The following ADAMTS2 variants were observed in gnomAD, a reference collection of about 807,000 sequenced individuals.
ADAMTS2 encodes the protein A disintegrin and metalloproteinase with thrombospondin motifs 2.
Under a neutral mutation model 123.0 loss-of-function variants are expected in ADAMTS2, and 50 were observed. The observed-to-expected ratio is 0.41, with a 90% CI of 0.32 to 0.51. The LOEUF (loss-of-function observed/expected upper bound fraction) is 0.51. Ranked by LOEUF, ADAMTS2 falls within the 20% of genes least tolerant of loss-of-function variation. The pLI is 0.35. For missense variants in ADAMTS2, 1,494 were observed against 1,705.2 expected (o/e 0.88, Z 2.18); for synonymous variants, 678 against 695.4 (o/e 0.98, Z 0.39).
Position 179,308,081 on chromosome 5 carries a change from T to G in ADAMTS2, c.535-35017A>C, listed in dbSNP as rs542677295. On this transcript the variant is annotated intron_variant, in intron 2 of 21. Transcript: ENST00000251582. This position sits in a 1 kb window ranked among gnomAD's most constrained non-coding sequence, Gnocchi z 6.6. ...TCCCCTACTTCAGGATGGTGTAAGG[T>G]TTCCTTGCCAAGGTCCCTGTGGTGC... is the stretch of plus-strand genomic sequence containing the variant. Among the ~76,000 whole-genome samples, 1 of 152,192 alleles carries G rather than the reference T, an allele frequency of 6.6e-6. No homozygotes were observed. The highest frequency in any genetic ancestry group is 2.1e-4 in the South Asian group (1 of 4,824).
intron 2 of ADAMTS2, among the ~76,000 whole-genome samples, chr5:179,293,798 A>AT (rs1230305678): frequency 7.0e-6 from 1 of 141,914 alleles, no homozygotes; most frequent in African/African-American, 2.6e-5. Context: ...TTTTTTTTGT[A>AT]TTTTTTTAGT....
chr5:179,217,147 G>A (rs1765001576), intron 3 of ADAMTS2, among the ~76,000 whole-genome samples: 1 of 152,250 alleles, frequency 6.6e-6, no homozygotes, highest in African/African-American at 2.4e-5. Context: ...CAGTGGGTGA[G>A]AGGAGAAGCA....
chr5:179,322,867 A>T (rs1219538135), intron 2 of ADAMTS2, among the ~76,000 whole-genome samples: 4 of 152,216 alleles, frequency 2.6e-5, no homozygotes, highest in African/African-American at 9.6e-5. Context: ...CCCTAACTGC[A>T]GGTGTCCCTA....
intron 2 of ADAMTS2, among the ~76,000 whole-genome samples, chr5:179,335,898 C>A (rs1370259706): frequency 6.6e-6 from 1 of 152,260 alleles, no homozygotes. Context: ...CCTCCCAGCA[C>A]CTCACCTGTT....
chr5:179,225,264 G>A lies in ADAMTS2; in HGVS notation c.689-17549C>T, dbSNP rs149098699. Among the ~76,000 whole-genome samples the A allele has an allele frequency of 8.5e-5, 13 of 152,180 alleles. No homozygotes were observed. Among genetic ancestry groups the A allele is most frequent in the South Asian group, 2.1e-4 (1 of 4,828 alleles). ...GACTAATTTCCTTAATACATAAAGC[G>A]CTCTTACAAATCAACAGGAAACAAT... On this transcript the variant is annotated intron_variant, in intron 3 of 21. Coordinates refer to ENST00000251582, the MANE Select transcript of ADAMTS2 (RefSeq NM_014244.5). This position sits in a 1 kb window ranked among gnomAD's most constrained non-coding sequence, Gnocchi z 4.5.
chr5:179,141,587 T>G (rs1363278503), intron 10 of ADAMTS2, among the ~76,000 whole-genome samples: 3 of 152,008 alleles, frequency 2.0e-5, no homozygotes, highest in Non-Finnish European at 4.4e-5. Context: ...AGAAAATCTA[T>G]TAAATCTTGG....
At chr5:179,253,984 C>G (rs1007733722) in intron 3 of ADAMTS2, among the ~76,000 whole-genome samples, 3 of 152,198 alleles carry the variant, frequency 2.0e-5, no homozygotes, top group African/African-American at 7.2e-5. Flanking sequence ...TCGGAGCCCC[C>G]TCTAATATAT....
At chr5:179,205,452 AC>A (rs1483578058) in intron 4 of ADAMTS2, among the ~76,000 whole-genome samples, 1 of 152,242 alleles carries the variant, frequency 6.6e-6, no homozygotes, top group Non-Finnish European at 1.5e-5. Context: ...GGCCCATTTT[AC>A]AGATGAGAAA....
At chr5:179,275,364 G>T (rs765503395) in intron 2 of ADAMTS2, among the ~76,000 whole-genome samples, 1 of 152,082 alleles carries the variant, frequency 6.6e-6, no homozygotes, top group Non-Finnish European at 1.5e-5. Context: ...GAGATGGGAG[G>T]GAGGAGGAAG....
intron 3 of ADAMTS2, among the ~76,000 whole-genome samples, chr5:179,261,119 A>T (rs935859540): frequency 6.6e-6 from 1 of 152,192 alleles, no homozygotes; most frequent in Non-Finnish European, 1.5e-5. Context: ...TGTATCGAAC[A>T]TGACAGAAAG....
intron 4 of ADAMTS2, among the ~76,000 whole-genome samples, chr5:179,187,905 G>A (rs568010024): frequency 2.6e-5 from 4 of 152,340 alleles, no homozygotes; most frequent in South Asian, 2.1e-4. Flanking sequence ...AATGAGGAAG[G>A]AGCGGCTCTG....
At chr5:179,304,615 T>A (rs1756622866) in intron 2 of ADAMTS2, among the ~76,000 whole-genome samples, 1 of 152,080 alleles carries the variant, frequency 6.6e-6, no homozygotes, top group African/African-American at 2.4e-5. Flanking sequence ...GAGGAATGAG[T>A]CAGTGAACTT....
chr5:179,243,244 C>T (rs1765708344), intron 3 of ADAMTS2, among the ~76,000 whole-genome samples: 1 of 152,020 alleles, frequency 6.6e-6, no homozygotes, highest in Admixed American at 6.5e-5. Flanking sequence ...ATCATCCCTA[C>T]CCAAATTTAA....
chr5:179,196,009 C>T (rs575180868), intron 4 of ADAMTS2, among the ~76,000 whole-genome samples: 11 of 152,292 alleles, frequency 7.2e-5, no homozygotes, highest in Admixed American at 2.0e-4. Flanking sequence ...TGCATCTCTG[C>T]GGCCAGTTTA....
At chr5:179,165,321 T>C (rs1763675973) in intron 5 of ADAMTS2, among the ~76,000 whole-genome samples, 1 of 152,188 alleles carries the variant, frequency 6.6e-6, no homozygotes, top group African/African-American at 2.4e-5. Flanking sequence ...AGAAGACACA[T>C]TTCTCATATA....
At chr5:179,209,645 A>ACAGGGGTGGGGCCGG (rs1255440985) in intron 3 of ADAMTS2, among the ~76,000 whole-genome samples, 3 of 150,914 alleles carry the variant, frequency 2.0e-5, no homozygotes, top group Non-Finnish European at 2.9e-5. Context: ...CACTCCAGGG[A>ACAGGGGTGGGGCCGG]CAGGGGTGGG....
chr5:179,139,745 G>C, intron 11 of ADAMTS2, 145 bp downstream of exon 11: 1 of 1,259,550 alleles, frequency 7.9e-7, no homozygotes, highest in South Asian at 1.4e-5. Flanking sequence ...CCCAGGTAGG[G>C]TGAGGCAGGC....
chr5:179,274,538 A>AC (rs34652287), intron 2 of ADAMTS2, among the ~76,000 whole-genome samples: 9,071 of 150,348 alleles, frequency 0.06, 304 homozygotes, highest in Middle Eastern at 0.08. Context: ...CGGAAACCAC[A>AC]CCCCCCCCAA....
chr5:179,177,386 T>C (rs1486748087), intron 5 of ADAMTS2, among the ~76,000 whole-genome samples: 1 of 152,216 alleles, frequency 6.6e-6, no homozygotes, highest in Non-Finnish European at 1.5e-5. Flanking sequence ...CGGGCTACCT[T>C]TGGCATCTTT....
Sources: gnomAD v4.1 joint callset for allele counts (sites outside exome capture counted in the v4.1 genomes callset) on GRCh38, gnomAD v4.1.1 for gene constraint, Gnocchi (gnomAD v3.1) non-coding constraint, MANE v1.5 for transcripts, NCBI Gene and HGNC (gene_info 2026-07-23, HGNC 2026-07-21) for gene names.